The following SLC16A7 variants were observed in gnomAD, a reference collection of about 807,000 sequenced individuals.
The protein encoded by SLC16A7 is solute carrier family 16 member 7.
SLC16A7 carries 33 observed loss-of-function variants against 34.9 expected under a neutral mutation model. The observed-to-expected ratio is 0.94, with a 90% CI of 0.72 to 1.26. The LOEUF (loss-of-function observed/expected upper bound fraction) is 1.26. Among genes scored for constraint, SLC16A7 ranks in the 50% most tolerant of loss-of-function variants. The probability of loss-of-function intolerance (pLI) is 0.00; values close to 1 mark genes in which losing one functional copy is unlikely to be tolerated. For missense variants in SLC16A7, 573 were observed against 578.1 expected, an observed-to-expected ratio of 0.99 and a Z score of 0.09; for synonymous variants, 201 against 206.6, an observed-to-expected ratio of 0.97 and a Z score of 0.23.
intron 2 of SLC16A7, among the ~76,000 whole-genome samples, chr12:59,698,922 T>C (rs1185861994): frequency 6.6e-6 from 1 of 151,782 alleles, no homozygotes; most frequent in Non-Finnish European, 1.5e-5. Context: ...TTTCTTTTAG[T>C]ACATATTTAT....
intron 2 of SLC16A7, among the ~76,000 whole-genome samples, chr12:59,674,263 T>C (rs1246174479): frequency 6.6e-6 from 1 of 152,220 alleles, no homozygotes; most frequent in East Asian, 1.9e-4. Context: ...TTCCTTGTTA[T>C]TATCTCTAAA....
chr12:59,651,385 G>A (rs1868339805), intron 1 of SLC16A7, among the ~76,000 whole-genome samples: 1 of 152,018 alleles, frequency 6.6e-6, no homozygotes. Context: ...TTCCATTCAT[G>A]TAACTGTATT....
At chr12:59,767,351 T>G (rs572502365) in intron 3 of SLC16A7, among the ~76,000 whole-genome samples, 16 of 152,038 alleles carry the variant, frequency 1.1e-4, no homozygotes, top group African/African-American at 3.6e-4. Context: ...ATTGTCAGTG[T>G]TGATGAAATA....
intron 2 of SLC16A7, among the ~76,000 whole-genome samples, chr12:59,692,427 A>G (rs920975913): frequency 6.6e-6 from 1 of 151,964 alleles, no homozygotes; most frequent in Non-Finnish European, 1.5e-5. Context: ...GTTTGAGTAT[A>G]TCTTGTCCGA....
At chr12:59,761,272 G>A (rs975267877) in intron 3 of SLC16A7, 10 of 657,048 alleles carry the variant, frequency 1.5e-5, no homozygotes, top group Non-Finnish European at 2.1e-5. Flanking sequence ...TTCTGTTTTA[G>A]AAGCATTTAT....
chr12:59,660,707 A>C (rs1868803129), intron 2 of SLC16A7, among the ~76,000 whole-genome samples: 1 of 151,974 alleles, frequency 6.6e-6, no homozygotes, highest in South Asian at 2.1e-4. Flanking sequence ...AGACCCTGTC[A>C]CAAAATTGAA....
intron 2 of SLC16A7, among the ~76,000 whole-genome samples, chr12:59,661,799 G>A (rs550414411): frequency 5.3e-5 from 8 of 152,180 alleles, no homozygotes; most frequent in African/African-American, 9.6e-5. Flanking sequence ...TTCTATGAAA[G>A]CAAATTTGAC....
At chr12:59,699,090 T>G (rs377227125) in intron 2 of SLC16A7, among the ~76,000 whole-genome samples, 3 of 151,676 alleles carry the variant, frequency 2.0e-5, no homozygotes, top group African/African-American at 7.2e-5. Flanking sequence ...ATGTTTTTCT[T>G]TACGTATTTT....
intron 3 of SLC16A7, among the ~76,000 whole-genome samples, chr12:59,725,565 A>G (rs1876130350): frequency 6.6e-6 from 1 of 152,196 alleles, no homozygotes. Flanking sequence ...AGTATTTTAT[A>G]GATTTTAAAT....
intron 1 of SLC16A7, among the ~76,000 whole-genome samples, chr12:59,628,121 A>T (rs897134956): frequency 6.6e-6 from 1 of 151,734 alleles, no homozygotes; most frequent in Non-Finnish European, 1.5e-5. Context: ...CACCTGAACT[A>T]TTCCATAGCT....
rs551209272 is a variant in SLC16A7, at chr12:59,750,515, A to G, written c.218-20704A>G. Reference sequence around the variant, plus strand: ...CAAATCAAAACCACAATGAGATACCATCTCATGCCAGTTAGAATGACGATC... The same window carrying G: ...CAAATCAAAACCACAATGAGATACCGTCTCATGCCAGTTAGAATGACGATC... On this transcript the variant is annotated intron_variant, in intron 3 of 5. Coordinates refer to ENST00000547379, the MANE Select transcript of SLC16A7 (RefSeq NM_001270623.2). Among the ~76,000 whole-genome samples the G allele has an allele frequency of 2.0e-5, 3 of 152,346 alleles. No homozygotes were observed. The East Asian group carries it at 5.8e-4, about 29-fold the overall frequency.
chr12:59,659,758 T>C (rs918267590), intron 2 of SLC16A7, among the ~76,000 whole-genome samples: 4 of 152,112 alleles, frequency 2.6e-5, no homozygotes, highest in Admixed American at 6.6e-5. Context: ...TATCATACTG[T>C]GTAGACCAGA....
intron 2 of SLC16A7, among the ~76,000 whole-genome samples, chr12:59,685,912 AG>A (rs2137082585): frequency 6.6e-6 from 1 of 152,158 alleles, no homozygotes; most frequent in Admixed American, 6.5e-5. Flanking sequence ...AGATTCTCTG[AG>A]GATCTCATAT....
At chr12:59,637,214 A>G (rs960031881) in intron 1 of SLC16A7, among the ~76,000 whole-genome samples, 1 of 152,122 alleles carries the variant, frequency 6.6e-6, no homozygotes, top group Non-Finnish European at 1.5e-5. Flanking sequence ...CATGTCACAC[A>G]TATTTAAATT....
At chr12:59,741,413 C>T (rs1460733266) in intron 3 of SLC16A7, among the ~76,000 whole-genome samples, 2 of 152,148 alleles carry the variant, frequency 1.3e-5, no homozygotes, top group Admixed American at 6.6e-5. Context: ...CCAGAAATTT[C>T]CCCTTCTTTG....
chr12:59,759,165 T>G (rs1470552177), intron 3 of SLC16A7, among the ~76,000 whole-genome samples: 1 of 152,068 alleles, frequency 6.6e-6, no homozygotes, highest in Admixed American at 6.6e-5. Context: ...ATTATGAAAG[T>G]AAGCATATAT....
intron 3 of SLC16A7, among the ~76,000 whole-genome samples, chr12:59,766,378 G>A (rs1881633052): frequency 6.6e-6 from 1 of 152,098 alleles, no homozygotes; most frequent in Non-Finnish European, 1.5e-5. Flanking sequence ...TTGAATAGGA[G>A]TGGTGAGAGA....
intron 2 of SLC16A7, among the ~76,000 whole-genome samples, chr12:59,695,200 G>A (rs942819954): frequency 1.3e-5 from 2 of 151,836 alleles, no homozygotes; most frequent in Admixed American, 6.6e-5. Context: ...ATATGCCTTA[G>A]GCTGTCTTCT....
chr12:59,693,014 A>G (rs1871855320), intron 2 of SLC16A7, among the ~76,000 whole-genome samples: 1 of 152,016 alleles, frequency 6.6e-6, no homozygotes, highest in African/African-American at 2.4e-5. Flanking sequence ...TTTTGTATAA[A>G]AAAAGAAAAT....
Sources: gnomAD v4.1 joint callset for allele counts (sites outside exome capture counted in the v4.1 genomes callset) on GRCh38, gnomAD v4.1.1 for gene constraint, MANE v1.5 for transcripts, NCBI Gene and HGNC (gene_info 2026-07-23, HGNC 2026-07-21) for gene names.